The following ZNF469 variants were observed in gnomAD, a reference collection of about 807,000 sequenced individuals.
ZNF469 encodes zinc finger protein 469.
In ZNF469, 1 loss-of-function variant was observed where a neutral mutation model predicts 1.0. The ratio of observed to expected loss-of-function variants is 1.00; its 90% CI spans 0.35 to 4.73. ZNF469 has a LOEUF of 4.73. ZNF469 is among the 30% of genes most tolerant of loss of function. The pLI is 0.16. For missense variants in ZNF469, 6,100 were observed against 5,356.3 expected, an observed-to-expected ratio of 1.14 and a Z score of -4.33; for synonymous variants, 2,703 against 2,363.4, an observed-to-expected ratio of 1.14 and a Z score of -4.17.
the ZNF469 span, among the ~76,000 whole-genome samples, chr16:88,331,048 T>TCAC: frequency 3.4e-5 from 5 of 146,348 alleles, no homozygotes; most frequent in East Asian, 6.1e-4. Context: ...ATCATCACCA[T>TCAC]CATCACCATC....
chr16:88,198,337 C>T, the ZNF469 span, among the ~76,000 whole-genome samples: 6 of 152,144 alleles, frequency 3.9e-5, no homozygotes, highest in African/African-American at 7.2e-5. Context: ...GCCTGAGGGA[C>T]GTGGGAAGCC....
At position 88,438,701 on chromosome 16, in the gene ZNF469, C is replaced by G. The variant is rs1906782366; in HGVS notation, c.11231C>G (p.Thr3744Arg). 2 of 1,550,012 alleles carry G rather than the reference C, an allele frequency of 1.3e-6. No individual in the cohort carries two copies. The highest frequency in any genetic ancestry group is 1.7e-6 in the Non-Finnish European group (2 of 1,146,850). ...GGAAGCCCTCGCCCCGGCACCAAGA[C>G]AGGAGGTGGCAGCCAGCCCCAGCCA... ...GSGSPRPGTK[T>R]GGGSQPQPAS... The change falls in exon 3 of 3, where the codon ACA (threonine) becomes AGA (arginine). Residue 3744 changes from threonine to arginine, a missense_variant. Physicochemically the swap from Thr to Arg is moderately conservative, Grantham distance 71 (BLOSUM62 -1). Coordinates refer to ENST00000565624, the MANE Select transcript of ZNF469 (RefSeq NM_001367624.2).
chr16:88,318,720 G>T, the ZNF469 span, among the ~76,000 whole-genome samples: 132 of 152,390 alleles, frequency 8.7e-4, no homozygotes, highest in Middle Eastern at 3.4e-3. Flanking sequence ...CAAGGGAGGA[G>T]TCTGAGATCT....
chr16:88,350,523 G>A, the ZNF469 span, among the ~76,000 whole-genome samples: 24 of 152,342 alleles, frequency 1.6e-4, no homozygotes, highest in East Asian at 2.7e-3. Flanking sequence ...TTTCCCCTCC[G>A]GAAGATGGCC....
At chr16:88,101,576 G>C in the ZNF469 span, among the ~76,000 whole-genome samples, 1 of 148,858 alleles carries the variant, frequency 6.7e-6, no homozygotes, top group Admixed American at 6.7e-5. Context: ...GAAAAACAAA[G>C]TGTGGAGGCA....
chr16:88,152,872 G>A, the ZNF469 span, among the ~76,000 whole-genome samples: 2 of 152,098 alleles, frequency 1.3e-5, no homozygotes, highest in Non-Finnish European at 2.9e-5. This position sits in a 1 kb window ranked among gnomAD's most constrained non-coding sequence, Gnocchi z 4.2. Flanking sequence ...AACCATTTGC[G>A]TTTTCATTAA....
At position 88,428,958 on chromosome 16, in the gene ZNF469, C is replaced by A. The variant is rs763933273; in HGVS notation, c.1488C>A (p.His496Gln). Residue 496 changes from histidine to glutamine, a missense_variant, in exon 3 of 3, where the codon CAC (histidine) becomes CAA (glutamine). Coordinates refer to ENST00000565624, the MANE Select transcript of ZNF469 (RefSeq NM_001367624.2). ...QVLPTARPSP[H>Q]GMEMLSRLPF... The stretch of plus-strand genomic sequence containing the variant: ...TCCCGACCGCCCGGCCAAGTCCCCA[C>A]GGAATGGAGATGCTGAGCCGGCTGC... 7.1e-6 allele frequency: 11 copies of A among 1,547,928 alleles called. No homozygotes were observed. In the African/African-American group the frequency reaches 9.6e-5, roughly 13 times the overall value.
At chr16:88,301,403 C>T in the ZNF469 span, among the ~76,000 whole-genome samples, 2 of 152,182 alleles carry the variant, frequency 1.3e-5, no homozygotes, top group Non-Finnish European at 2.9e-5. Flanking sequence ...ATCCACCAGC[C>T]TCGGCCTCCC....
At chr16:88,203,851 C>G in the ZNF469 span, among the ~76,000 whole-genome samples, 1 of 152,186 alleles carries the variant, frequency 6.6e-6, no homozygotes, top group Non-Finnish European at 1.5e-5. Context: ...GCAAAGAGCG[C>G]ATTTCCAACA....
In ZNF469 at chr16:88,428,346, G is replaced by T. The variant is rs1247913481; in HGVS notation, c.876G>T (p.Val292=). 2 of 1,549,512 alleles carry T rather than the reference G, an allele frequency of 1.3e-6. No homozygotes were observed. ...GASTKPFPAD[V]AGHAFTNGPL... is the part of the protein sequence containing the mutation. ...GCACAAAACCCTTCCCTGCGGATGT[G>T]GCTGGGCACGCATTCACCAATGGGC... Residue 292 remains valine, a synonymous_variant, in exon 3 of 3, where the codon GTG becomes GTT. Transcript: ENST00000565624.
the ZNF469 span, among the ~76,000 whole-genome samples, chr16:88,330,364 G>C: frequency 5.9e-5 from 9 of 152,224 alleles, no homozygotes; most frequent in African/African-American, 2.2e-4. Flanking sequence ...CCGTGATGAT[G>C]TGTGGGGCAT....
At chr16:88,317,161 C>T in the ZNF469 span, among the ~76,000 whole-genome samples, 4 of 152,362 alleles carry the variant, frequency 2.6e-5, no homozygotes, top group Non-Finnish European at 4.4e-5. Flanking sequence ...GGCTGAAGCC[C>T]TTTCCCCACA....
In ZNF469 at chr16:88,436,879, C is replaced by T. The variant is rs1337912030; in HGVS notation, c.9409C>T (p.His3137Tyr). 1.3e-6 allele frequency: 2 copies of T among 1,513,122 alleles called. No homozygotes were observed. The highest frequency in any genetic ancestry group is 1.8e-6 in the Non-Finnish European group (2 of 1,133,092). The allele number at this position is 1,513,122 out of a possible 1,614,324, so 93.7% of individuals were successfully genotyped here. ...LGELDLHKLA[H>Y]TPAPPPTCYM... ...CGAGCTGGACCTGCACAAGCTGGCC[C>T]ACACGCCCGCGCCGCCGCCCACCTG... is the stretch of plus-strand genomic sequence containing the variant. Residue 3137 changes from histidine (H) to tyrosine (Y), a missense_variant, in exon 3 of 3, where the codon CAC becomes TAC. Coordinates refer to ENST00000565624, the MANE Select transcript of ZNF469 (RefSeq NM_001367624.2).
In ZNF469 at chr16:88,438,379, C is replaced by T. The variant is rs1906755374; in HGVS notation, c.10909C>T (p.His3637Tyr). 8 of 1,550,166 alleles carry T rather than the reference C, an allele frequency of 5.2e-6. No homozygotes were observed. Among genetic ancestry groups the T allele is most frequent in the Non-Finnish European group, 7.0e-6 (8 of 1,146,960 alleles). Residue 3637 changes from histidine to tyrosine, a missense_variant, in exon 3 of 3, where the codon CAT becomes TAT. Transcript: ENST00000565624. The stretch of plus-strand genomic sequence containing the variant: ...TGCCCGTGGCAGGTGTGCCCCTGAC[C>T]ATTTCCAGGAAGACCACCTACTTCA... ...PGARGRCAPD[H>Y]FQEDHLLQKE...
the ZNF469 span, among the ~76,000 whole-genome samples, chr16:88,357,301 G>A: frequency 6.6e-6 from 1 of 152,206 alleles, no homozygotes; most frequent in African/African-American, 2.4e-5. Flanking sequence ...AGAGGTGGTG[G>A]GGACCAGCTG....
the ZNF469 span, chr16:88,177,177 G>A: frequency 1.3e-5 from 2 of 152,254 alleles, no homozygotes; most frequent in South Asian, 4.1e-4. This position sits in a 1 kb window ranked among gnomAD's most constrained non-coding sequence, Gnocchi z 4.8. Context: ...GGGCGTGCCG[G>A]GCAGGGAGAG....
the ZNF469 span, among the ~76,000 whole-genome samples, chr16:88,232,071 C>A: frequency 5.3e-4 from 81 of 152,252 alleles, no homozygotes; most frequent in African/African-American, 1.8e-3. Flanking sequence ...GAAGGCAGGG[C>A]GGGCGCGAGG....
At chr16:88,414,330 C>T (rs958444834) in intron 1 of ZNF469, among the ~76,000 whole-genome samples, 1 of 152,236 alleles carries the variant, frequency 6.6e-6, no homozygotes, top group Non-Finnish European at 1.5e-5. Context: ...TGCTGGGCAT[C>T]GGGAAACGGG....
At chr16:88,358,945 G>C in the ZNF469 span, among the ~76,000 whole-genome samples, 3 of 152,136 alleles carry the variant, frequency 2.0e-5, no homozygotes, top group East Asian at 1.9e-4. Flanking sequence ...CCAGTCTCAG[G>C]CTCTTCTAAC....
Sources: gnomAD v4.1 joint callset for allele counts (sites outside exome capture counted in the v4.1 genomes callset) on GRCh38, gnomAD v4.1.1 for gene constraint, Gnocchi (gnomAD v3.1) non-coding constraint, MANE v1.5 for transcripts, NCBI Gene and HGNC (gene_info 2026-07-23, HGNC 2026-07-21) for gene names.